The following MED13 variants were observed in gnomAD, a reference collection of about 807,000 sequenced individuals.
The protein encoded by MED13 is mediator complex subunit 13, also known as mediator of RNA polymerase II transcription subunit 13.
In MED13, 23 loss-of-function variants were observed where a neutral mutation model predicts 225.2. The observed-to-expected ratio is 0.10, with a 90% CI of 0.07 to 0.14. MED13 has a LOEUF of 0.14. Among genes scored for constraint, MED13 ranks in the 10% least tolerant of loss-of-function variants. The pLI, the probability that MED13 is intolerant of heterozygous loss-of-function variation, is 1.00. For synonymous variants in MED13, 942 were observed against 889.2 expected, an observed-to-expected ratio of 1.06 and a Z score of -1.06; for missense variants, 2,197 against 2,594.5, an observed-to-expected ratio of 0.85 and a Z score of 3.33.
chr17:62,014,310 T>C (rs185029888), intron 8 of MED13, among the ~76,000 whole-genome samples: 1 of 143,094 alleles, frequency 7.0e-6, no homozygotes, highest in African/African-American at 2.7e-5. Flanking sequence ...GTATATGTTT[T>C]TATATATATA....
Position 61,944,649 on chromosome 17 carries a change from GCA to G in MED13, c.*1817_*1818del, listed in dbSNP as rs933702170. On this transcript the variant is annotated 3_prime_UTR_variant, in exon 30 of 30. Coordinates refer to ENST00000397786, the MANE Select transcript of MED13 (RefSeq NM_005121.3). The stretch of plus-strand genomic sequence containing the variant: ...ATAAGAAAGTGATATTTAATTCTAA[GCA>G]CAGAGTATTCACAAAAACAAGTTTC... 7 of 151,812 alleles carry G rather than the reference GCA, an allele frequency of 4.6e-5. No homozygotes were observed. The highest frequency in any genetic ancestry group is 1.7e-4 in the African/African-American group (7 of 41,268). 9.4% of individuals were successfully genotyped at this position (151,812 alleles called of 1,614,324 possible). A position where few individuals can be genotyped will look rare whatever the true frequency, so the allele number is the denominator to read the frequency against.
intron 10 of MED13, 43 bp from the exon 11 acceptor site, chr17:61,992,664 CCAA>C (rs1360129280): frequency 1.4e-6 from 2 of 1,387,126 alleles, no homozygotes; most frequent in East Asian, 4.6e-5. Flanking sequence ...ATATAATTTA[CCAA>C]CAATAAAATC....
intron 3 of MED13, among the ~76,000 whole-genome samples, chr17:62,039,038 C>T (rs1405785166): frequency 6.6e-6 from 1 of 152,134 alleles, no homozygotes. Context: ...ATAAATTGGT[C>T]TCCAAGGAGT....
chr17:62,065,083 C>A, intron 1 of MED13, 57 bp downstream of exon 1: 1 of 1,469,492 alleles, frequency 6.8e-7, no homozygotes, highest in South Asian at 1.3e-5. Context: ...TCCCCCACGG[C>A]CCAAGGGCGC....
At chr17:61,967,319 C>G (rs1453629768) in intron 18 of MED13, among the ~76,000 whole-genome samples, 1 of 152,116 alleles carries the variant, frequency 6.6e-6, no homozygotes, top group Admixed American at 6.6e-5. Flanking sequence ...GAGGATTTTA[C>G]CGGACTGATA....
At chr17:61,993,200 C>CTTTTTTTTTTTTT (rs964200883) in intron 10 of MED13, among the ~76,000 whole-genome samples, 2 of 107,690 alleles carry the variant, frequency 1.9e-5, no homozygotes, top group Non-Finnish European at 1.7e-5. Context: ...TTCTTTCTTT[C>CTTTTTTTTTTTTT]TTTTTTTTTT....
chr17:62,044,575 G>C (rs756727123), intron 3 of MED13, among the ~76,000 whole-genome samples: 1 of 152,118 alleles, frequency 6.6e-6, no homozygotes, highest in Non-Finnish European at 1.5e-5. Flanking sequence ...TATCCAGCAA[G>C]GATTTATTAT....
intron 1 of MED13, 85 bp downstream of exon 1, chr17:62,065,054 TG>T (rs1175770441): frequency 1.0e-5 from 13 of 1,263,118 alleles, no homozygotes; most frequent in Non-Finnish European, 1.3e-5. Context: ...CTCGGGCATC[TG>T]GACCAGACCC....
chr17:62,062,594 CA>C (rs2081047847), intron 2 of MED13, among the ~76,000 whole-genome samples: 4 of 57,570 alleles, frequency 6.9e-5, no homozygotes, highest in Non-Finnish European at 8.7e-5. Flanking sequence ...CACACACACA[CA>C]CACACCACAC....
At chr17:62,012,045 C>T (rs1310568169) in intron 8 of MED13, among the ~76,000 whole-genome samples, 6 of 151,730 alleles carry the variant, frequency 4.0e-5, no homozygotes, top group African/African-American at 7.3e-5. Flanking sequence ...GGTAAAACCC[C>T]GTCCTTACAA....
intron 21 of MED13, 66 bp from the exon 22 acceptor site, chr17:61,961,845 C>A: frequency 2.1e-6 from 3 of 1,413,844 alleles, no homozygotes; most frequent in South Asian, 2.5e-5. Context: ...AACTGTGGGT[C>A]TAAAACTCTA....
At chr17:62,061,474 C>T (rs996555711) in intron 2 of MED13, among the ~76,000 whole-genome samples, 2 of 152,172 alleles carry the variant, frequency 1.3e-5, no homozygotes, top group African/African-American at 4.8e-5. Flanking sequence ...TGTTTAGATG[C>T]TCTGCCAACT....
chr17:62,048,504 AAGAGGTCCACTCTTTGAAATGGTTGAAAC>A (rs1263531153), intron 3 of MED13, among the ~76,000 whole-genome samples: 1 of 152,088 alleles, frequency 6.6e-6, no homozygotes, highest in African/African-American at 2.4e-5. Flanking sequence ...TGAAAAACTT[AAGAGGTCCACTCTTTGAAATGGTTGAAAC>A]AGAGGGACTC....
chr17:62,031,527 T>C lies in MED13; in HGVS notation c.926A>G (p.His309Arg), dbSNP rs1603405463. ...ATCTCTTGTGGAAGCAGGCACTTGG[T>C]GGACACCCAAGCAAGAAGATGAACA... ...THCSSSCLGV[H>R]QVPASTRDPA... Residue 309 changes from histidine (H) to arginine (R), a missense_variant, in exon 6 of 30, where the codon CAC (histidine) becomes CGC (arginine). By Grantham distance (29) the His-to-Arg change is conservative. Around this residue, in one of 12 missense-constraint regions of MED13, gnomAD observed 884 missense variants for 918.5 expected, o/e 0.96. Coordinates refer to ENST00000397786, the MANE Select transcript of MED13 (RefSeq NM_005121.3). The C allele has an allele frequency of 6.2e-7, 1 of 1,613,902 alleles. No homozygotes were observed. The highest frequency in any genetic ancestry group is 8.5e-7 in the Non-Finnish European group (1 of 1,179,940).
Position 62,033,809 on chromosome 17 carries a change from T to A in MED13, c.792A>T (p.Leu264Phe). The A allele has an allele frequency of 6.2e-7, 1 of 1,614,128 alleles. No homozygotes were observed. The highest frequency in any genetic ancestry group is 8.5e-7 in the Non-Finnish European group (1 of 1,179,996). ...QEDMDWEDDS[L>F]AAVEVLVAGV... ...TACCAACAAGAACTTCTACTGCAGC[T>A]AAAGAATCATCTTCCCAATCCATAT... The change falls in exon 5 of 30, where the codon TTA becomes TTT. Residue 264 changes from leucine to phenylalanine, a missense_variant. Physicochemically the swap from Leu to Phe is conservative, Grantham distance 22 (BLOSUM62 0). Coordinates refer to ENST00000397786, the MANE Select transcript of MED13 (RefSeq NM_005121.3).
Position 62,010,730 on chromosome 17 carries a change from G to C in MED13, c.1787C>G (p.Pro596Arg). 6.2e-7 allele frequency: 1 copy of C among 1,612,788 alleles called. No homozygotes were observed. The highest frequency in any genetic ancestry group is 8.5e-7 in the Non-Finnish European group (1 of 1,179,262). ...FPPQYQEAVE[P>R]TVYVGTAVNL... is the part of the protein sequence containing the mutation. ...TACTGCTGTACCAACATATACTGTA[G>C]GTTCTACAGCTTCCTGATATTGAGG... Residue 596 changes from proline to arginine, a missense_variant, in exon 9 of 30, where the codon CCT becomes CGT. This residue lies in a region of MED13 where 884 missense variants were observed against 918.5 expected (regional missense o/e 0.96). Coordinates refer to ENST00000397786, the MANE Select transcript of MED13 (RefSeq NM_005121.3).
rs2079850064 is a variant in MED13 at position 61,946,159 on chromosome 17, C to T, written c.*309G>A. ...CTCCATGCTTTTAATATTCATTTAA[C>T]ATGACTGGGTACTATGGCTCATTAC... On this transcript the variant is annotated 3_prime_UTR_variant, in exon 30 of 30. Coordinates refer to ENST00000397786, the MANE Select transcript of MED13 (RefSeq NM_005121.3). 1 of 205,378 alleles carries T rather than the reference C, an allele frequency of 4.9e-6. No individual in the cohort carries two copies. Among genetic ancestry groups the T allele is most frequent in the African/African-American group, 2.3e-5 (1 of 42,842 alleles). 12.7% of individuals were successfully genotyped at this position (205,378 alleles called of 1,614,324 possible).
At chr17:62,062,511 AAATT>A (rs1288736032) in intron 2 of MED13, among the ~76,000 whole-genome samples, 1 of 152,156 alleles carries the variant, frequency 6.6e-6, no homozygotes, top group Non-Finnish European at 1.5e-5. Context: ...AAAAATAACT[AAATT>A]AACATATGCC....
intron 20 of MED13, among the ~76,000 whole-genome samples, chr17:61,964,618 T>C (rs2080037662): frequency 6.6e-6 from 1 of 151,928 alleles, no homozygotes; most frequent in Non-Finnish European, 1.5e-5. Flanking sequence ...CACTTTATGC[T>C]CATTCAAAAC....
Sources: allele counts gnomAD v4.1 joint callset (sites outside exome capture counted in the v4.1 genomes callset), GRCh38; gene constraint gnomAD v4.1.1; regional missense constraint gnomAD v4.1.1; transcripts MANE v1.5; gene names NCBI Gene and HGNC (gene_info 2026-07-23, HGNC 2026-07-21).